The following CNTNAP2 variants were observed in gnomAD, a reference collection of about 807,000 sequenced individuals.
The protein encoded by CNTNAP2 is contactin associated protein 2.
Under a neutral mutation model 155.2 loss-of-function variants are expected in CNTNAP2, and 98 were observed. The ratio of observed to expected loss-of-function variants is 0.63; its 90% CI spans 0.54 to 0.75. The LOEUF (loss-of-function observed/expected upper bound fraction) is 0.75, where lower values mean the gene tolerates loss of function less well. CNTNAP2 is among the 30% of genes least tolerant of loss of function. The pLI, the probability that CNTNAP2 is intolerant of heterozygous loss-of-function variation, is 0.00. For missense variants in CNTNAP2, 1,727 were observed against 1,688.1 expected (o/e 1.02, Z -0.40); for synonymous variants, 651 against 631.2 (o/e 1.03, Z -0.47).
chr7:147,238,805 G>A (rs1390722), intron 8 of CNTNAP2, among the ~76,000 whole-genome samples: 60,525 of 151,996 alleles, frequency 0.4, 12,486 homozygotes, highest in Non-Finnish European at 0.44. Flanking sequence ...TACAGATTCA[G>A]CAATTAATTT....
chr7:147,580,849 C>T (rs946817873), intron 12 of CNTNAP2, among the ~76,000 whole-genome samples: 43 of 152,168 alleles, frequency 2.8e-4, no homozygotes, highest in African/African-American at 1.0e-3. Flanking sequence ...CTTCTGACCT[C>T]AGATGATCCG....
At chr7:146,503,799 T>C (rs1051149455) in intron 1 of CNTNAP2, among the ~76,000 whole-genome samples, 2 of 152,196 alleles carry the variant, frequency 1.3e-5, no homozygotes, top group Admixed American at 1.3e-4. Context: ...CCAGTGTGTT[T>C]GTTTTTATGC....
At chr7:148,305,588 C>T (rs919893355) in intron 21 of CNTNAP2, among the ~76,000 whole-genome samples, 10 of 152,118 alleles carry the variant, frequency 6.6e-5, no homozygotes, top group South Asian at 2.1e-4. Context: ...CTGGCTAAGA[C>T]GCCTCAGGAA....
intron 1 of CNTNAP2, among the ~76,000 whole-genome samples, chr7:146,602,043 T>C (rs2129151934): frequency 6.6e-6 from 1 of 152,284 alleles, no homozygotes; most frequent in South Asian, 2.1e-4. Context: ...ACAAATGTTT[T>C]ATTTTGGGAA....
chr7:146,644,811 A>G (rs1799781343), intron 1 of CNTNAP2, among the ~76,000 whole-genome samples: 1 of 152,152 alleles, frequency 6.6e-6, no homozygotes, highest in African/African-American at 2.4e-5. Context: ...TAGACCAAGA[A>G]CAGGCTCTGA....
At chr7:146,922,915 A>T (rs1796534031) in intron 3 of CNTNAP2, among the ~76,000 whole-genome samples, 1 of 152,194 alleles carries the variant, frequency 6.6e-6, no homozygotes, top group Admixed American at 6.6e-5. Context: ...AGTATGTAAA[A>T]GGTTTTACTT....
intron 1 of CNTNAP2, among the ~76,000 whole-genome samples, chr7:146,370,879 G>C (rs1286928946): frequency 6.6e-6 from 1 of 151,986 alleles, no homozygotes; most frequent in Non-Finnish European, 1.5e-5. Context: ...CCTTAATAAA[G>C]TTTTAAGATT....
At chr7:148,265,030 A>G (rs1796642771) in intron 20 of CNTNAP2, among the ~76,000 whole-genome samples, 1 of 152,186 alleles carries the variant, frequency 6.6e-6, no homozygotes, top group African/African-American at 2.4e-5. Context: ...TATGAGGTGG[A>G]GATTATCACC....
At chr7:147,008,068 T>C (rs1038033422) in intron 3 of CNTNAP2, among the ~76,000 whole-genome samples, 1 of 152,168 alleles carries the variant, frequency 6.6e-6, no homozygotes, top group Non-Finnish European at 1.5e-5. Context: ...AACACCTAAT[T>C]TGGGGTGGCC....
At chr7:147,662,707 C>G (rs1394420918) in intron 13 of CNTNAP2, among the ~76,000 whole-genome samples, 1 of 152,092 alleles carries the variant, frequency 6.6e-6, no homozygotes, top group Non-Finnish European at 1.5e-5. Context: ...GTCTTCCATT[C>G]CTTTGGGCTA....
intron 1 of CNTNAP2, among the ~76,000 whole-genome samples, chr7:146,405,281 C>G (rs1795774701): frequency 6.6e-6 from 1 of 152,136 alleles, no homozygotes; most frequent in Non-Finnish European, 1.5e-5. Flanking sequence ...TTGGGTCTCT[C>G]TCACTGGCAA....
intron 22 of CNTNAP2, among the ~76,000 whole-genome samples, chr7:148,408,322 G>A (rs1585353122): frequency 6.6e-6 from 1 of 152,238 alleles, no homozygotes; most frequent in East Asian, 1.9e-4. Flanking sequence ...AATCACATGT[G>A]TTGAAAGAAT....
At chr7:146,642,529 G>A (rs969243035) in intron 1 of CNTNAP2, among the ~76,000 whole-genome samples, 14 of 151,460 alleles carry the variant, frequency 9.2e-5, no homozygotes, top group African/African-American at 2.7e-4. Flanking sequence ...TGGTGTATAC[G>A]TGCCACATTT....
chr7:146,812,443 A>ATAT (rs1563241649), intron 2 of CNTNAP2, among the ~76,000 whole-genome samples: 4 of 130,078 alleles, frequency 3.1e-5, no homozygotes, highest in African/African-American at 1.6e-4. Context: ...ATATATATAA[A>ATAT]AAATATATAT....
In CNTNAP2 at chr7:146,812,440, TAA is replaced by T. The variant is rs199849377; in HGVS notation, c.209-27266_209-27265del. On this transcript the variant is annotated intron_variant, in intron 2 of 23. Coordinates refer to ENST00000361727, the MANE Select transcript of CNTNAP2 (RefSeq NM_014141.6). Reference sequence around the variant, plus strand: ...AATTTCTTTTATATGTATATATATATAAAAAATATATATATATATATATTTAT... The same window carrying T: ...AATTTCTTTTATATGTATATATATATAAAATATATATATATATATATTTAT... Among the ~76,000 whole-genome samples, 125 of 139,484 alleles carry T rather than the reference TAA, an allele frequency of 9.0e-4. 1 individual carries two copies. Among genetic ancestry groups the T allele is most frequent in the African/African-American group, 3.3e-3 (111 of 33,918 alleles). The allele number at this position is 139,484 out of a possible 152,430, so 91.5% of individuals were successfully genotyped here. A position where few individuals can be genotyped will look rare whatever the true frequency, so the allele number is the denominator to read the frequency against.
chr7:147,113,877 G>T (rs1164065187), intron 5 of CNTNAP2, among the ~76,000 whole-genome samples: 1 of 152,054 alleles, frequency 6.6e-6, no homozygotes. Flanking sequence ...GTTTGCTCTT[G>T]GTTCTCTAAT....
intron 15 of CNTNAP2, among the ~76,000 whole-genome samples, chr7:148,065,008 C>G (rs184214132): frequency 2.4e-4 from 36 of 152,116 alleles, no homozygotes; most frequent in African/African-American, 8.7e-4. Context: ...TCATTCGGTT[C>G]GAAGAATTTT....
chr7:147,291,219 G>C (rs1805302298), intron 8 of CNTNAP2, among the ~76,000 whole-genome samples: 1 of 151,820 alleles, frequency 6.6e-6, no homozygotes, highest in African/African-American at 2.4e-5. Context: ...TTGTTATATA[G>C]CTATACATGT....
intron 2 of CNTNAP2, among the ~76,000 whole-genome samples, chr7:146,829,817 T>A (rs1803476455): frequency 6.6e-6 from 1 of 152,108 alleles, no homozygotes; most frequent in Admixed American, 6.6e-5. Context: ...TTCCACATCA[T>A]TCTGGTTATT....
Sources: allele counts gnomAD v4.1 joint callset (sites outside exome capture counted in the v4.1 genomes callset), GRCh38; gene constraint gnomAD v4.1.1; transcripts MANE v1.5; gene names NCBI Gene and HGNC (gene_info 2026-07-23, HGNC 2026-07-21).